TTLL3: variants seen among roughly 807,000 people sequenced by gnomAD.
TTLL3 encodes the protein tubulin tyrosine ligase like 3.
TTLL3 carries 63 observed loss-of-function variants against 75.2 expected under a neutral mutation model. The ratio of observed to expected loss-of-function variants is 0.84; its 90% confidence interval spans 0.68 to 1.03. The LOEUF (loss-of-function observed/expected upper bound fraction) is 1.03, where lower values mean the gene tolerates loss of function less well. Among genes scored for constraint, TTLL3 ranks in the 50% least tolerant of loss-of-function variants. The pLI, the probability that TTLL3 is intolerant of heterozygous loss-of-function variation, is 0.00. For synonymous variants in TTLL3, 393 were observed against 418.5 expected, an observed-to-expected ratio of 0.94 and a Z score of 0.74; for missense variants, 997 against 1,069.9, an observed-to-expected ratio of 0.93 and a Z score of 0.95.
chr3:9,831,697 G>C (rs1331863022), intron 11 of TTLL3, among the ~76,000 whole-genome samples: 1 of 151,810 alleles, frequency 6.6e-6, no homozygotes, highest in Non-Finnish European at 1.5e-5. Context: ...TAATTCTGTT[G>C]TTCCTTCTGC....
chr3:9,834,298 A>T, intron 12 of TTLL3: 1 of 458,514 alleles, frequency 2.2e-6, no homozygotes, highest in Non-Finnish European at 4.3e-6. Flanking sequence ...GCCTTCAAGC[A>T]GTCACCTCTC....
At chr3:9,820,797 CT>C in intron 8 of TTLL3, 56 bp downstream of exon 8, 3 of 1,594,200 alleles carry the variant, frequency 1.9e-6, no homozygotes, top group Non-Finnish European at 2.6e-6. Context: ...GGGATAGACC[CT>C]TTCTGTCTCG....
chr3:9,834,745 C>G lies in TTLL3; in HGVS notation c.1890C>G (p.His630Gln). The change falls in exon 13 of 14, where the codon CAC becomes CAG. Residue 630 changes from histidine (H) to glutamine (Q), a missense_variant. Coordinates refer to ENST00000685419, the MANE Select transcript of TTLL3 (RefSeq NM_001387446.1). The part of the protein sequence containing the change: ...AQLPSPHVLR[H>Q]QGQVLRRQHS... ...TGCCTTCTCCCCATGTACTCCGACA[C>G]CAGGGCCAGGTCCTCAGACGACAGC... 6.2e-7 allele frequency: 1 copy of G among 1,614,228 alleles called. No homozygotes were observed. The highest frequency in any genetic ancestry group is 8.5e-7 in the Non-Finnish European group (1 of 1,180,036).
chr3:9,816,629 C>T (rs1483759501), intron 5 of TTLL3, among the ~76,000 whole-genome samples: 1 of 148,948 alleles, frequency 6.7e-6, no homozygotes, highest in Non-Finnish European at 1.5e-5. Context: ...AATTCTCCTG[C>T]CTCAGCCTCC....
chr3:9,824,068 G>A (rs2080781410), intron 8 of TTLL3, among the ~76,000 whole-genome samples: 1 of 152,190 alleles, frequency 6.6e-6, no homozygotes, highest in Non-Finnish European at 1.5e-5. Flanking sequence ...GTGGTGCTTG[G>A]GGATGGGGAT....
chr3:9,816,316 T>G, intron 5 of TTLL3, 114 bp downstream of exon 5: 2 of 1,138,602 alleles, frequency 1.8e-6, no homozygotes. Flanking sequence ...CAAGGGGAAG[T>G]ATACAATTCA....
intron 9 of TTLL3, among the ~76,000 whole-genome samples, chr3:9,826,717 G>A (rs1348657324): frequency 7.3e-6 from 1 of 136,762 alleles, no homozygotes; most frequent in Non-Finnish European, 1.6e-5. Flanking sequence ...TAGGTGACAG[G>A]GCTGTCTCAA....
Position 9,833,366 on chromosome 3 carries a change from A to G in TTLL3, c.1825+121A>G, listed in dbSNP as rs374414262. 23 of 1,487,196 alleles carry G rather than the reference A, an allele frequency of 1.5e-5. No homozygotes were observed. In the East Asian group the frequency reaches 5.6e-4, roughly 36 times the overall value. 92.1% of individuals were successfully genotyped at this position (1,487,196 alleles called of 1,614,324 possible). On this transcript the variant is annotated intron_variant, in intron 12 of 13. Transcript: ENST00000685419. ...ACCACTTCAGCCCCCGGAAAGGGGA[A>G]GAAAGGCAAGGCGAAAAGGGCCACA...
chr3:9,824,796 A>G (rs1457284851), intron 8 of TTLL3, among the ~76,000 whole-genome samples: 1 of 131,014 alleles, frequency 7.6e-6, no homozygotes, highest in Non-Finnish European at 1.5e-5. Flanking sequence ...GCTGGAGTGC[A>G]GTGGTACGAT....
At position 9,816,523 on chromosome 3, in the gene TTLL3, C is replaced by CTTTTTTT. The variant is rs71052206; in HGVS notation, c.444+326_444+332dup. 1.8e-4 allele frequency among the ~76,000 whole-genome samples: 19 copies of CTTTTTTT among 104,044 alleles called. 5 individuals are homozygous for CTTTTTTT. In the East Asian group the frequency reaches 4.5e-3, roughly 25 times the overall value. 68.3% of individuals were successfully genotyped at this position (104,044 alleles called of 152,430 possible). ...GACCCATTCTGTCTTACCTGGGTTT[C>CTTTTTTT]TTTTTTTTTTTGAGACAGAGTCTTG... On this transcript the variant is annotated intron_variant, in intron 5 of 13. Coordinates refer to ENST00000685419, the MANE Select transcript of TTLL3 (RefSeq NM_001387446.1).
rs769757091 is a variant in TTLL3, at chr3:9,825,942, G to A, written c.997G>A (p.Gly333Arg). 12 of 1,612,774 alleles carry A rather than the reference G, an allele frequency of 7.4e-6. No homozygotes were observed. Among genetic ancestry groups the A allele is most frequent in the Middle Eastern group, 1.7e-4 (1 of 6,058 alleles). ...WIVKPGAKSR[G>R]RGIMCMDHLE... ...CGTGAAGCCAGGAGCCAAGTCCCGC[G>A]GACGAGGTGGGGGTCAGCTCCTGCT... The change falls in exon 9 of 14, where the codon GGA becomes AGA. Residue 333 changes from glycine (G) to arginine (R), a missense_variant. By Grantham distance (125) the Gly-to-Arg change is moderately radical. Coordinates refer to ENST00000685419, the MANE Select transcript of TTLL3 (RefSeq NM_001387446.1).
In TTLL3 at chr3:9,810,352, G is replaced by A. The variant is rs999542483; in HGVS notation, c.-84G>A. The A allele has an allele frequency of 4.7e-5, 67 of 1,411,416 alleles. No individual in the cohort carries two copies. The highest frequency in any genetic ancestry group is 5.8e-5 in the Non-Finnish European group (64 of 1,098,182). The allele number at this position is 1,411,416 out of a possible 1,614,324, so 87.4% of individuals were successfully genotyped here. The stretch of plus-strand genomic sequence containing the variant: ...GGGCGCCTCGGATACCCACCCCCTC[G>A]GCCCCCCGCACACCCCGGTCCTCGA... On this transcript the variant is annotated 5_prime_UTR_variant, in exon 1 of 14. Coordinates refer to ENST00000685419, the MANE Select transcript of TTLL3 (RefSeq NM_001387446.1). The surrounding 1 kb of genome is among the most constrained non-coding windows in gnomAD (Gnocchi z 4.4).
At chr3:9,826,628 G>A (rs1018800823) in intron 9 of TTLL3, among the ~76,000 whole-genome samples, 4 of 151,626 alleles carry the variant, frequency 2.6e-5, no homozygotes, top group African/African-American at 7.3e-5. Flanking sequence ...AGCTACTCGG[G>A]AGGCTGAGGC....
At position 9,810,508 on chromosome 3, in the gene TTLL3, T is replaced by G; in HGVS notation, c.-41-113T>G. 6.8e-7 allele frequency: 1 copy of G among 1,461,546 alleles called. No homozygotes were observed. Among genetic ancestry groups the G allele is most frequent in the African/African-American group, 1.4e-5 (1 of 69,804 alleles). 90.5% of individuals were successfully genotyped at this position (1,461,546 alleles called of 1,614,324 possible). ...GAGCGGCTGAGGGTGGGCATCTGGA[T>G]GAAGGCAGGAGGAAGAAAAGAGGCG... is the stretch of plus-strand genomic sequence containing the variant. On this transcript the variant is annotated intron_variant, in intron 1 of 13. Transcript: ENST00000685419. This position sits in a 1 kb window ranked among gnomAD's most constrained non-coding sequence, Gnocchi z 4.4.
intron 7 of TTLL3, 68 bp downstream of exon 7, chr3:9,818,988 T>G (rs907194465): frequency 1.2e-5 from 19 of 1,602,518 alleles, no homozygotes; most frequent in Non-Finnish European, 1.5e-5. Flanking sequence ...TCCACCTATC[T>G]GCCCTTCTAC....
chr3:9,821,516 T>C (rs2080408446), intron 8 of TTLL3, among the ~76,000 whole-genome samples: 1 of 152,054 alleles, frequency 6.6e-6, no homozygotes, highest in African/African-American at 2.4e-5. Flanking sequence ...GGGGTGGTGG[T>C]AATGGGAAGA....
At position 9,813,320 on chromosome 3, in the gene TTLL3, A is replaced by G; in HGVS notation, c.290A>G (p.Asp97Gly). 6.2e-7 allele frequency: 1 copy of G among 1,614,198 alleles called. No homozygotes were observed. The highest frequency in any genetic ancestry group is 8.5e-7 in the Non-Finnish European group (1 of 1,180,034). Residue 97 changes from aspartate (D) to glycine (G), a missense_variant, in exon 4 of 14, where the codon GAC becomes GGC. Coordinates refer to ENST00000685419, the MANE Select transcript of TTLL3 (RefSeq NM_001387446.1). ...FDFDDLLKFD[D>G]LDGTHALMSR... The stretch of plus-strand genomic sequence containing the variant: ...TTCGATGATTTACTGAAATTTGATG[A>G]CCTAGATGGAACACATGCTCTGATG...
rs1440108002 is a variant in TTLL3 at position 9,827,223 on chromosome 3, C to T, written c.1230C>T (p.Ser410=). 1 of 1,614,028 alleles carries T rather than the reference C, an allele frequency of 6.2e-7. No individual in the cohort carries two copies. Among genetic ancestry groups the T allele is most frequent in the African/African-American group, 1.3e-5 (1 of 74,950 alleles). Residue 410 remains serine, a synonymous_variant, in exon 10 of 14, where the codon TCC becomes TCT. Coordinates refer to ENST00000685419, the MANE Select transcript of TTLL3 (RefSeq NM_001387446.1). ...TCCGCTTTTCCACGCAGCCCTTCTC[C>T]CTGAAGAACCTGGACAAGTGAGCCC... ...SYIRFSTQPF[S]LKNLDNSVHL...
rs150807735 is a variant in TTLL3, at chr3:9,834,415, C to G, written c.1826-266C>G. On this transcript the variant is annotated intron_variant, in intron 12 of 13. Transcript: ENST00000685419. The stretch of plus-strand genomic sequence containing the variant: ...ACCTAGCAAGGTAGGTGCTATTATC[C>G]CCATTTTCCAGCCGAGGTATCAGGA... 513 of 660,574 alleles carry G rather than the reference C, an allele frequency of 7.8e-4. 1 individual carries two copies. In the African/African-American group the frequency reaches 8.2e-3, roughly 11 times the overall value. 40.9% of individuals were successfully genotyped at this position (660,574 alleles called of 1,614,324 possible). A position where few individuals can be genotyped will look rare whatever the true frequency, so the allele number is the denominator to read the frequency against.
Sources: gnomAD v4.1 joint callset for allele counts (sites outside exome capture counted in the v4.1 genomes callset) on GRCh38, gnomAD v4.1.1 for gene constraint, Gnocchi (gnomAD v3.1) non-coding constraint, MANE v1.5 for transcripts, NCBI Gene and HGNC (gene_info 2026-07-23, HGNC 2026-07-21) for gene names.